Variants in FBXL17 observed in about 807,000 individuals in gnomAD.
FBXL17 encodes the protein F-box/LRR-repeat protein 17.
A neutral mutation model predicts 66.2 loss-of-function variants in FBXL17; 22 were observed. That is an observed-to-expected ratio of 0.33 (90% CI 0.24 to 0.47). FBXL17 has a LOEUF of 0.47. FBXL17 is among the 20% of genes least tolerant of loss of function. The probability of loss-of-function intolerance (pLI) is 1.00; values close to 1 mark genes in which losing one functional copy is unlikely to be tolerated. For missense variants in FBXL17, 878 were observed against 948.2 expected (o/e 0.93, Z 0.97); for synonymous variants, 474 against 400.5 (o/e 1.18, Z -2.19).
chr5:107,991,622 G>A (rs1753252932), intron 7 of FBXL17, among the ~76,000 whole-genome samples: 1 of 152,194 alleles, frequency 6.6e-6, no homozygotes, highest in Admixed American at 6.5e-5. Context: ...GCCCAGGCAG[G>A]CTACAACAGA....
intron 7 of FBXL17, among the ~76,000 whole-genome samples, chr5:108,002,650 G>A (rs1237544116): frequency 2.6e-5 from 4 of 151,810 alleles, no homozygotes; most frequent in African/African-American, 9.7e-5. Flanking sequence ...ACTGGTGAAA[G>A]GATAAAAAAA....
intron 6 of FBXL17, among the ~76,000 whole-genome samples, chr5:108,041,046 A>T (rs1395342719): frequency 1.3e-5 from 2 of 152,204 alleles, no homozygotes; most frequent in Admixed American, 1.3e-4. Flanking sequence ...TCATCTTAAT[A>T]ACAACATGGA....
chr5:108,292,624 A>T (rs957156604), intron 4 of FBXL17, among the ~76,000 whole-genome samples: 5 of 152,132 alleles, frequency 3.3e-5, no homozygotes, highest in East Asian at 3.9e-4. Flanking sequence ...CTCACAAAAA[A>T]CCTCTGAACT....
At chr5:108,017,706 G>T (rs552686795) in intron 7 of FBXL17, among the ~76,000 whole-genome samples, 1 of 152,216 alleles carries the variant, frequency 6.6e-6, no homozygotes, top group Non-Finnish European at 1.5e-5. Context: ...ACATACATTT[G>T]TTCAGTGATA....
intron 4 of FBXL17, among the ~76,000 whole-genome samples, chr5:108,270,186 T>C (rs1258181661): frequency 2.0e-5 from 3 of 151,910 alleles, no homozygotes; most frequent in African/African-American, 7.2e-5. Flanking sequence ...TATAAAAAAT[T>C]AGATTATAAG....
intron 4 of FBXL17, among the ~76,000 whole-genome samples, chr5:108,252,733 A>G (rs992339669): frequency 5.3e-5 from 8 of 152,164 alleles, no homozygotes; most frequent in African/African-American, 1.4e-4. Context: ...TGTCACAGAA[A>G]TAACTATAGC....
intron 6 of FBXL17, among the ~76,000 whole-genome samples, chr5:108,077,160 T>C (rs896620497): frequency 3.9e-5 from 6 of 152,206 alleles, no homozygotes; most frequent in African/African-American, 1.2e-4. Context: ...GCCTCACTGA[T>C]ATCAAAAGTC....
chr5:108,132,408 G>A (rs1412800012), intron 6 of FBXL17, among the ~76,000 whole-genome samples: 1 of 151,962 alleles, frequency 6.6e-6, no homozygotes, highest in Non-Finnish European at 1.5e-5. Context: ...ATATATAAAA[G>A]AACAGAAACC....
At chr5:108,017,711 G>A (rs1020114645) in intron 7 of FBXL17, among the ~76,000 whole-genome samples, 1 of 152,150 alleles carries the variant, frequency 6.6e-6, no homozygotes, top group African/African-American at 2.4e-5. Flanking sequence ...CATTTGTTCA[G>A]TGATAAAGGA....
intron 3 of FBXL17, among the ~76,000 whole-genome samples, chr5:108,363,895 ATTAAT>A (rs925805348): frequency 1.3e-5 from 2 of 152,060 alleles, no homozygotes; most frequent in Non-Finnish European, 2.9e-5. Flanking sequence ...TTCATAAAAG[ATTAAT>A]TTAATATGTT....
chr5:107,921,887 C>T (rs1001416274), intron 7 of FBXL17, among the ~76,000 whole-genome samples: 5 of 152,204 alleles, frequency 3.3e-5, no homozygotes, highest in African/African-American at 2.4e-5. Flanking sequence ...CACATTTTCT[C>T]TGCGCACATG....
At chr5:107,963,176 G>C (rs1289352501) in intron 7 of FBXL17, among the ~76,000 whole-genome samples, 3 of 152,094 alleles carry the variant, frequency 2.0e-5, no homozygotes, top group Non-Finnish European at 4.4e-5. Flanking sequence ...TTACCAGACA[G>C]AGTATTTAAG....
chr5:108,117,997 G>C (rs1024561919), intron 6 of FBXL17, among the ~76,000 whole-genome samples: 2 of 152,066 alleles, frequency 1.3e-5, no homozygotes, highest in Non-Finnish European at 2.9e-5. Context: ...GAGATGGAGG[G>C]AGGTTGAAGT....
rs552503710 is a variant in FBXL17, at chr5:108,314,961, T to C, written c.1506+33438A>G. Among the ~76,000 whole-genome samples the C allele has an allele frequency of 3.3e-5, 5 of 151,252 alleles. No individual in the cohort carries two copies. The East Asian group carries it at 9.7e-4, about 29-fold the overall frequency. ...CTTATTTTCAAATTTAAAATTTTTT[T>C]CCATTTTTATTTACAATTTTATGTA... On this transcript the variant is annotated intron_variant, in intron 4 of 8. Transcript: ENST00000542267.
chr5:108,081,621 G>A (rs1170267931), intron 6 of FBXL17, among the ~76,000 whole-genome samples: 1 of 152,094 alleles, frequency 6.6e-6, no homozygotes, highest in Non-Finnish European at 1.5e-5. Flanking sequence ...TACTCGGGAG[G>A]CTGAGGCAGG....
intron 7 of FBXL17, among the ~76,000 whole-genome samples, chr5:107,945,953 C>T (rs1048225238): frequency 6.6e-6 from 1 of 151,654 alleles, no homozygotes; most frequent in East Asian, 1.9e-4. Flanking sequence ...GAGCATGTAC[C>T]CCTATAACAT....
At chr5:108,293,650 C>A (rs73214571) in intron 4 of FBXL17, among the ~76,000 whole-genome samples, 1 of 151,998 alleles carries the variant, frequency 6.6e-6, no homozygotes, top group Non-Finnish European at 1.5e-5. Flanking sequence ...AGATGAAACA[C>A]CATAAAAAGC....
intron 6 of FBXL17, among the ~76,000 whole-genome samples, chr5:108,110,630 T>C (rs1273252536): frequency 6.6e-6 from 1 of 152,160 alleles, no homozygotes; most frequent in Non-Finnish European, 1.5e-5. Context: ...TGCTGAGTAA[T>C]GTACAATTTT....
At chr5:108,300,029 T>C (rs970792825) in intron 4 of FBXL17, among the ~76,000 whole-genome samples, 1 of 152,048 alleles carries the variant, frequency 6.6e-6, no homozygotes, top group African/African-American at 2.4e-5. Flanking sequence ...TTTCAGTTTA[T>C]AAAATTTTAA....
Sources: allele counts gnomAD v4.1 joint callset (sites outside exome capture counted in the v4.1 genomes callset), GRCh38; gene constraint gnomAD v4.1.1; transcripts MANE v1.5; gene names NCBI Gene and HGNC (gene_info 2026-07-23, HGNC 2026-07-21).